Variants in SFXN5 observed in about 807,000 individuals in gnomAD.
SFXN5 encodes the protein sideroflexin-5.
SFXN5 carries 43 observed loss-of-function variants against 50.2 expected under a neutral mutation model. That is an observed-to-expected ratio of 0.86 (90% confidence interval 0.67 to 1.11). The LOEUF is 1.11. Among genes scored for constraint, SFXN5 ranks in the 50% least tolerant of loss-of-function variants. SFXN5 has a pLI of 0.00. For missense variants in SFXN5, 463 were observed against 454.1 expected (o/e 1.02, Z -0.18); for synonymous variants, 203 against 185.8 (o/e 1.09, Z -0.75).
chr2:73,039,561 T>G (rs1433957951), intron 3 of SFXN5, among the ~76,000 whole-genome samples: 1 of 152,022 alleles, frequency 6.6e-6, no homozygotes, highest in East Asian at 1.9e-4. Context: ...AGAAGTGTGT[T>G]TAGAGGGGTG....
chr2:72,967,391 A>G (rs928072480), intron 12 of SFXN5: 2 of 152,226 alleles, frequency 1.3e-5, no homozygotes, highest in Admixed American at 1.3e-4. Context: ...GCCGTAAGAA[A>G]AATAAAGGAC....
chr2:72,987,012 G>C (rs1671998230), intron 10 of SFXN5, among the ~76,000 whole-genome samples: 1 of 152,200 alleles, frequency 6.6e-6, no homozygotes, highest in South Asian at 2.1e-4. Context: ...ACCCCTCTCA[G>C]AATAATGTTT....
At chr2:73,056,339 G>A (rs563550680) in intron 2 of SFXN5, among the ~76,000 whole-genome samples, 16 of 146,608 alleles carry the variant, frequency 1.1e-4, no homozygotes, top group African/African-American at 3.5e-4. Context: ...CTGAGATCGT[G>A]CCATTACACT....
chr2:73,051,873 G>A (rs1037520033), intron 2 of SFXN5, among the ~76,000 whole-genome samples: 14 of 152,136 alleles, frequency 9.2e-5, no homozygotes, highest in African/African-American at 3.4e-4. Context: ...AGAGACCCTA[G>A]CAGCTGTGGG....
chr2:73,029,958 G>C (rs1018187650), intron 3 of SFXN5, among the ~76,000 whole-genome samples: 1 of 152,124 alleles, frequency 6.6e-6, no homozygotes, highest in African/African-American at 2.4e-5. Flanking sequence ...TGTAGTCCCA[G>C]CTACTTGGGA....
intron 2 of SFXN5, among the ~76,000 whole-genome samples, chr2:73,052,335 A>AGT (rs1681440675): frequency 7.9e-6 from 1 of 125,856 alleles, no homozygotes; most frequent in East Asian, 2.9e-4. Context: ...AATGTAAGAG[A>AGT]GAGAGTGTGT....
At chr2:73,046,366 G>A (rs1680321792) in intron 2 of SFXN5, among the ~76,000 whole-genome samples, 1 of 146,636 alleles carries the variant, frequency 6.8e-6, no homozygotes, top group Non-Finnish European at 1.5e-5. Context: ...CCGAGATCAC[G>A]CCACTGCACT....
intron 10 of SFXN5, among the ~76,000 whole-genome samples, chr2:72,983,893 G>A (rs1375941652): frequency 1.3e-5 from 2 of 152,184 alleles, no homozygotes; most frequent in African/African-American, 2.4e-5. Flanking sequence ...GAGACTGGTG[G>A]CTAGAGCTGG....
chr2:73,010,187 CA>C (rs1675319781), intron 6 of SFXN5, among the ~76,000 whole-genome samples: 1 of 152,174 alleles, frequency 6.6e-6, no homozygotes, highest in Non-Finnish European at 1.5e-5. Flanking sequence ...AATTGGGGAT[CA>C]ACTATATACC....
chr2:73,045,671 G>A (rs1455705274), intron 2 of SFXN5, among the ~76,000 whole-genome samples: 1 of 152,048 alleles, frequency 6.6e-6, no homozygotes, highest in Admixed American at 6.6e-5. Context: ...GGGCAGGGCC[G>A]TGCATCCTTA....
intron 3 of SFXN5, among the ~76,000 whole-genome samples, chr2:73,037,672 G>A (rs561829182): frequency 4.6e-5 from 7 of 152,260 alleles, no homozygotes; most frequent in Admixed American, 2.0e-4. Flanking sequence ...GGAATGAAAC[G>A]GCATCAGGTT....
chr2:72,945,168 A>G lies in SFXN5; in HGVS notation c.946-69T>C, dbSNP rs1409841782. 8.4e-6 allele frequency: 12 copies of G among 1,435,222 alleles called. No individual in the cohort carries two copies. The highest frequency in any genetic ancestry group is 1.2e-5 in the Non-Finnish European group (12 of 1,030,026). 88.9% of individuals were successfully genotyped at this position (1,435,222 alleles called of 1,614,324 possible). On this transcript the variant is annotated intron_variant, in intron 13 of 13. Coordinates refer to ENST00000272433, the MANE Select transcript of SFXN5 (RefSeq NM_144579.3). This position sits in a 1 kb window ranked among gnomAD's most constrained non-coding sequence, Gnocchi z 5.8. ...GGCAAATAGTGGGGCTGGGAGCTGC[A>G]GTGAGGACCACCCTGGGCCCCAGAG...
chr2:72,963,563 A>T (rs1674011071), intron 12 of SFXN5, among the ~76,000 whole-genome samples: 2 of 151,260 alleles, frequency 1.3e-5, no homozygotes, highest in South Asian at 2.1e-4. Context: ...AATGGCAAGG[A>T]GGGAAGGGAA....
At chr2:72,957,562 G>A (rs1177664318) in intron 13 of SFXN5, among the ~76,000 whole-genome samples, 1 of 152,260 alleles carries the variant, frequency 6.6e-6, no homozygotes, top group East Asian at 1.9e-4. Context: ...TGGTGTTCCA[G>A]TGATTACTTC....
intron 12 of SFXN5, among the ~76,000 whole-genome samples, chr2:72,968,186 G>A (rs1019747256): frequency 6.7e-6 from 1 of 149,888 alleles, no homozygotes; most frequent in Non-Finnish European, 1.5e-5. Flanking sequence ...AGCTCCTCAG[G>A]GGAGGGCCAG....
At chr2:72,986,267 G>A (rs1028129164) in intron 10 of SFXN5, among the ~76,000 whole-genome samples, 2 of 152,212 alleles carry the variant, frequency 1.3e-5, no homozygotes, top group Admixed American at 6.5e-5. Context: ...TAGTCTCTGG[G>A]TCATCCAGAG....
chr2:72,957,789 G>T (rs1193119627), intron 13 of SFXN5, among the ~76,000 whole-genome samples: 2 of 152,222 alleles, frequency 1.3e-5, no homozygotes, highest in Admixed American at 1.3e-4. Flanking sequence ...CCCAAACAGG[G>T]CTCAAAACAC....
Position 72,944,799 on chromosome 2 carries a change from T to C in SFXN5, c.*223A>G. 2 of 517,716 alleles carry C rather than the reference T, an allele frequency of 3.9e-6. No individual in the cohort carries two copies. The highest frequency in any genetic ancestry group is 2.9e-5 in the South Asian group (1 of 34,832). 32.1% of individuals were successfully genotyped at this position (517,716 alleles called of 1,614,324 possible). A position where few individuals can be genotyped will look rare whatever the true frequency, so the allele number is the denominator to read the frequency against. ...GACAACCCCACATAAGGCCCAGAAATGCACTTGATTATTTTTTTGTACGAA... is the reference window on the plus strand; with the variant it reads ...GACAACCCCACATAAGGCCCAGAAACGCACTTGATTATTTTTTTGTACGAA... On this transcript the variant is annotated 3_prime_UTR_variant, in exon 14 of 14. Transcript: ENST00000272433.
Position 73,002,159 on chromosome 2 carries a change from C to G in SFXN5, c.358-581G>C, listed in dbSNP as rs1363802420. On this transcript the variant is annotated intron_variant, in intron 6 of 13. Coordinates refer to ENST00000272433, the MANE Select transcript of SFXN5 (RefSeq NM_144579.3). ...CTGTTATCTGTGAATTTCCATGAAG[C>G]AAAAACCTATACCAGGTTTAAGCAA... Among the ~76,000 whole-genome samples the G allele has an allele frequency of 3.3e-5, 5 of 152,168 alleles. No homozygotes were observed. In the South Asian group the frequency reaches 1.0e-3, roughly 32 times the overall value.
Sources: allele counts gnomAD v4.1 joint callset (sites outside exome capture counted in the v4.1 genomes callset), GRCh38; gene constraint gnomAD v4.1.1; non-coding constraint Gnocchi (gnomAD v3.1); transcripts MANE v1.5; gene names NCBI Gene and HGNC (gene_info 2026-07-23, HGNC 2026-07-21).